ROBO1: variants seen among roughly 807,000 people sequenced by gnomAD.
ROBO1 encodes roundabout homolog 1.
ROBO1 carries 149 observed loss-of-function variants against 195.9 expected under a neutral mutation model. The observed-to-expected ratio is 0.76, with a 90% CI of 0.67 to 0.87. The LOEUF (loss-of-function observed/expected upper bound fraction) is 0.87, where lower values mean the gene tolerates loss of function less well. Among genes scored for constraint, ROBO1 ranks in the 40% least tolerant of loss-of-function variants. The pLI is 0.00. For synonymous variants in ROBO1, 816 were observed against 733.2 expected (o/e 1.11, Z -1.82); for missense variants, 1,933 against 2,068.3 (o/e 0.93, Z 1.27).
At chr3:79,256,080 T>C (rs2082827800) in intron 2 of ROBO1, among the ~76,000 whole-genome samples, 1 of 152,212 alleles carries the variant, frequency 6.6e-6, no homozygotes, top group Admixed American at 6.5e-5. Context: ...CAATTTTCAT[T>C]CTAATGGTTT....
intron 26 of ROBO1, 30 bp downstream of exon 26, chr3:78,627,291 T>C (rs2107477346): frequency 3.8e-6 from 6 of 1,598,114 alleles, no homozygotes; most frequent in Non-Finnish European, 5.1e-6. Flanking sequence ...TTATCTGATT[T>C]GTTAGCAAAG....
chr3:78,901,898 T>C (rs2037613016), intron 4 of ROBO1, among the ~76,000 whole-genome samples: 1 of 152,186 alleles, frequency 6.6e-6, no homozygotes, highest in African/African-American at 2.4e-5. Flanking sequence ...AGGGGAAGAT[T>C]GGTCTGATGA....
intron 8 of ROBO1, among the ~76,000 whole-genome samples, chr3:78,709,510 C>T (rs751277362): frequency 6.6e-6 from 1 of 152,010 alleles, no homozygotes; most frequent in Non-Finnish European, 1.5e-5. Context: ...AAAATAAAAC[C>T]TGCATTATTA....
intron 2 of ROBO1, among the ~76,000 whole-genome samples, chr3:79,501,424 G>A (rs1940063564): frequency 6.6e-6 from 1 of 152,146 alleles, no homozygotes; most frequent in African/African-American, 2.4e-5. Context: ...TCTTCTGAGG[G>A]AATAAAATAT....
chr3:78,836,564 C>T (rs1445801337), intron 4 of ROBO1, among the ~76,000 whole-genome samples: 2 of 150,662 alleles, frequency 1.3e-5, no homozygotes, highest in East Asian at 3.9e-4. Flanking sequence ...GAATAGTTTC[C>T]ATTAGAAGGT....
At chr3:79,447,449 T>C (rs2039299580) in intron 2 of ROBO1, among the ~76,000 whole-genome samples, 1 of 152,212 alleles carries the variant, frequency 6.6e-6, no homozygotes, top group African/African-American at 2.4e-5. Flanking sequence ...AGCTTCTACC[T>C]GAATGAAACA....
chr3:79,560,204 T>C (rs539280398), intron 2 of ROBO1, among the ~76,000 whole-genome samples: 38 of 151,704 alleles, frequency 2.5e-4, no homozygotes, highest in Non-Finnish European at 8.8e-5. Flanking sequence ...TATGCAGCCA[T>C]AAAAAATGAT....
At chr3:79,464,675 T>A (rs1179494091) in intron 2 of ROBO1, among the ~76,000 whole-genome samples, 1 of 152,224 alleles carries the variant, frequency 6.6e-6, no homozygotes, top group African/African-American at 2.4e-5. Flanking sequence ...CATATATTTT[T>A]CCCATTATTT....
intron 4 of ROBO1, among the ~76,000 whole-genome samples, chr3:78,836,775 A>G (rs1394064861): frequency 6.6e-6 from 1 of 152,144 alleles, no homozygotes; most frequent in East Asian, 1.9e-4. Context: ...GTTGTAAACA[A>G]TGTTTCTTTT....
intron 1 of ROBO1, among the ~76,000 whole-genome samples, chr3:79,712,859 C>A (rs1267141640): frequency 6.6e-6 from 1 of 151,976 alleles, no homozygotes; most frequent in Non-Finnish European, 1.5e-5. Context: ...AAATCTATTC[C>A]CCCTGAGCTC....
At chr3:79,428,893 A>G (rs913763625) in intron 2 of ROBO1, among the ~76,000 whole-genome samples, 16 of 152,150 alleles carry the variant, frequency 1.1e-4, no homozygotes, top group African/African-American at 3.4e-4. Context: ...TGATTGAAAA[A>G]TGTAATTGAT....
chr3:78,987,235 T>C (rs1192552800), intron 3 of ROBO1, among the ~76,000 whole-genome samples: 2 of 150,214 alleles, frequency 1.3e-5, no homozygotes, highest in African/African-American at 4.9e-5. Context: ...TATTTAGAAA[T>C]AGTTTTTTTT....
chr3:79,477,843 G>T (rs1363839554), intron 2 of ROBO1, among the ~76,000 whole-genome samples: 7 of 152,068 alleles, frequency 4.6e-5, no homozygotes, highest in Non-Finnish European at 1.5e-5. Context: ...TAAGGTCCAT[G>T]GATTCAATTT....
chr3:79,517,402 T>C (rs1940997581), intron 2 of ROBO1, among the ~76,000 whole-genome samples: 1 of 152,168 alleles, frequency 6.6e-6, no homozygotes, highest in Non-Finnish European at 1.5e-5. Flanking sequence ...GGAGAACTTA[T>C]TTTTCCTTAT....
chr3:79,040,501 CA>C (rs1439925036), intron 3 of ROBO1, among the ~76,000 whole-genome samples: 1 of 151,976 alleles, frequency 6.6e-6, no homozygotes, highest in Non-Finnish European at 1.5e-5. Context: ...TGGGTAACAC[CA>C]AAGGTCAAGT....
intron 5 of ROBO1, among the ~76,000 whole-genome samples, chr3:78,723,763 G>A (rs1286467126): frequency 6.6e-6 from 1 of 152,000 alleles, no homozygotes; most frequent in Non-Finnish European, 1.5e-5. Context: ...TATAACGCAG[G>A]GATTGAGAAA....
At chr3:79,172,771 C>T (rs1294379733) in intron 2 of ROBO1, among the ~76,000 whole-genome samples, 3 of 151,932 alleles carry the variant, frequency 2.0e-5, no homozygotes, top group South Asian at 2.1e-4. Flanking sequence ...ATATGTCATA[C>T]ATTTAAGCAC....
intron 2 of ROBO1, among the ~76,000 whole-genome samples, chr3:79,150,778 C>T (rs1185944481): frequency 3.3e-5 from 5 of 151,698 alleles, no homozygotes; most frequent in Non-Finnish European, 7.4e-5. Context: ...TTTACATGTC[C>T]ATAAAAGGAT....
chr3:78,982,233 C>T (rs956711577), intron 3 of ROBO1, among the ~76,000 whole-genome samples: 1 of 152,140 alleles, frequency 6.6e-6, no homozygotes. Context: ...ACCCCAATTC[C>T]TTCTCCTTTA....
Sources: allele counts gnomAD v4.1 joint callset (sites outside exome capture counted in the v4.1 genomes callset), GRCh38; gene constraint gnomAD v4.1.1; transcripts MANE v1.5; gene names NCBI Gene and HGNC (gene_info 2026-07-23, HGNC 2026-07-21).